GPC5: variants seen among roughly 807,000 people sequenced by gnomAD.
GPC5 encodes the protein glypican-5.
GPC5 carries 47 observed loss-of-function variants against 53.9 expected under a neutral mutation model. The ratio of observed to expected loss-of-function variants is 0.87; its 90% CI spans 0.69 to 1.11. The LOEUF (loss-of-function observed/expected upper bound fraction) is 1.11. Among genes scored for constraint, GPC5 ranks in the 50% most tolerant of loss-of-function variants. The pLI is 0.00. For missense variants in GPC5, 748 were observed against 713.1 expected (o/e 1.05, Z -0.56); for synonymous variants, 286 against 263.3 (o/e 1.09, Z -0.84).
intron 7 of GPC5, among the ~76,000 whole-genome samples, chr13:92,732,393 A>G (rs1400856617): frequency 6.6e-6 from 1 of 151,588 alleles, no homozygotes; most frequent in African/African-American, 2.4e-5. Context: ...GTTATTTACA[A>G]CATTTGGATA....
intron 7 of GPC5, among the ~76,000 whole-genome samples, chr13:92,765,445 T>G (rs1875364305): frequency 6.6e-6 from 1 of 152,258 alleles, no homozygotes. Flanking sequence ...ATACAAGTTT[T>G]GTTCTACTAA....
At chr13:92,092,112 C>A (rs1210981260) in intron 6 of GPC5, among the ~76,000 whole-genome samples, 1 of 152,182 alleles carries the variant, frequency 6.6e-6, no homozygotes, top group African/African-American at 2.4e-5. Context: ...TGCTATATAT[C>A]TCTTAAATGG....
chr13:92,148,339 C>T (rs2041883224), intron 7 of GPC5, among the ~76,000 whole-genome samples: 2 of 151,946 alleles, frequency 1.3e-5, no homozygotes, highest in South Asian at 4.1e-4. Context: ...CTCTATATTT[C>T]AATATGCAAA....
At chr13:91,463,534 C>T (rs1313532027) in intron 2 of GPC5, among the ~76,000 whole-genome samples, 1 of 152,072 alleles carries the variant, frequency 6.6e-6, no homozygotes, top group African/African-American at 2.4e-5. Flanking sequence ...TGGGAAGAAT[C>T]ACTTTACCTA....
intron 7 of GPC5, among the ~76,000 whole-genome samples, chr13:92,755,771 C>T (rs1323466183): frequency 7.1e-6 from 1 of 140,960 alleles, no homozygotes; most frequent in East Asian, 2.3e-4. Context: ...TCTCCCAAGA[C>T]TAAACCAGGA....
intron 7 of GPC5, among the ~76,000 whole-genome samples, chr13:92,582,750 A>G (rs770092572): frequency 1.1e-4 from 16 of 151,998 alleles, no homozygotes; most frequent in Non-Finnish European, 2.1e-4. Flanking sequence ...AATTTTTTGT[A>G]ACTGTTGTAA....
intron 7 of GPC5, among the ~76,000 whole-genome samples, chr13:92,351,855 C>T (rs772558443): frequency 1.1e-4 from 16 of 152,078 alleles, no homozygotes; most frequent in Non-Finnish European, 1.9e-4. Context: ...AGACGTATCA[C>T]GTTCATGGGC....
intron 7 of GPC5, among the ~76,000 whole-genome samples, chr13:92,405,270 G>C (rs1238482491): frequency 1.3e-5 from 2 of 152,146 alleles, no homozygotes; most frequent in Admixed American, 6.5e-5. Flanking sequence ...CTACGACTGG[G>C]ACAATGTAGA....
chr13:92,358,162 A>G (rs750839132), intron 7 of GPC5, among the ~76,000 whole-genome samples: 48 of 151,866 alleles, frequency 3.2e-4, no homozygotes, highest in Middle Eastern at 3.4e-3. Context: ...ATCTGCCATA[A>G]CAATTGGCTA....
At chr13:91,480,589 A>G (rs1054620584) in intron 2 of GPC5, among the ~76,000 whole-genome samples, 8 of 152,220 alleles carry the variant, frequency 5.3e-5, no homozygotes, top group East Asian at 1.9e-4. Context: ...ATAGATTTCT[A>G]TCAAGACATA....
chr13:91,716,976 G>C (rs182641411), intron 3 of GPC5, among the ~76,000 whole-genome samples: 489 of 152,292 alleles, frequency 3.2e-3, no homozygotes, highest in African/African-American at 0.011. Context: ...CTGTAAACAC[G>C]ACCAAACAAA....
At chr13:91,546,095 A>G (rs2030272041) in intron 2 of GPC5, among the ~76,000 whole-genome samples, 1 of 152,130 alleles carries the variant, frequency 6.6e-6, no homozygotes, top group South Asian at 2.1e-4. Context: ...TTCAATGACC[A>G]ATGTGAGCAT....
intron 7 of GPC5, among the ~76,000 whole-genome samples, chr13:92,343,483 T>C (rs1472034466): frequency 6.6e-6 from 1 of 152,210 alleles, no homozygotes; most frequent in African/African-American, 2.4e-5. Context: ...TTATTTTTCT[T>C]ACAGCTGCTT....
chr13:92,799,290 A>C (rs902179446), intron 7 of GPC5, among the ~76,000 whole-genome samples: 13 of 151,796 alleles, frequency 8.6e-5, no homozygotes, highest in East Asian at 1.9e-4. Context: ...TGTAACTTCA[A>C]ACAGACACAT....
chr13:92,433,772 A>G (rs1877192083), intron 7 of GPC5, among the ~76,000 whole-genome samples: 1 of 152,148 alleles, frequency 6.6e-6, no homozygotes, highest in South Asian at 2.1e-4. Flanking sequence ...GTGTTGAGAA[A>G]GTGGCAGAGT....
chr13:91,712,665 G>T (rs2036252459), intron 3 of GPC5, among the ~76,000 whole-genome samples: 1 of 151,980 alleles, frequency 6.6e-6, no homozygotes, highest in Non-Finnish European at 1.5e-5. Flanking sequence ...CCACCCCACG[G>T]CCTGGTGTCG....
rs373280044 is a variant in GPC5, at chr13:91,433,376, G to T, written c.164-15385G>T. On this transcript the variant is annotated intron_variant, in intron 1 of 7. Coordinates refer to ENST00000377067, the MANE Select transcript of GPC5 (RefSeq NM_004466.6). ...TCCCCCCACCCCACAACAGGCCCCA[G>T]TGTGTGATGTTCCCCTTCCTGTGTC... 7.6e-3 allele frequency among the ~76,000 whole-genome samples: 925 copies of T among 121,728 alleles called. 12 individuals are homozygous for T. Among genetic ancestry groups the T allele is most frequent in the South Asian group, 0.076 (284 of 3,738 alleles). The allele number at this position is 121,728 out of a possible 152,430, so 79.9% of individuals were successfully genotyped here.
At chr13:92,750,166 G>C (rs1025203224) in intron 7 of GPC5, among the ~76,000 whole-genome samples, 5 of 152,082 alleles carry the variant, frequency 3.3e-5, no homozygotes, top group African/African-American at 1.2e-4. Flanking sequence ...TTCTCACACT[G>C]TGTGAGAAGT....
chr13:92,333,958 C>T (rs1287579833), intron 7 of GPC5, among the ~76,000 whole-genome samples: 1 of 151,774 alleles, frequency 6.6e-6, no homozygotes, highest in African/African-American at 2.4e-5. Flanking sequence ...CAAAACAAAA[C>T]AAACAAAAAA....
Sources: allele counts gnomAD v4.1 joint callset (sites outside exome capture counted in the v4.1 genomes callset), GRCh38; gene constraint gnomAD v4.1.1; transcripts MANE v1.5; gene names NCBI Gene and HGNC (gene_info 2026-07-23, HGNC 2026-07-21).